The following IPP variants were observed in gnomAD, a reference collection of about 807,000 sequenced individuals.
The protein encoded by IPP is intracisternal A particle-promoted polypeptide, also known as actin-binding protein IPP.
A neutral mutation model predicts 64.1 loss-of-function variants in IPP; 41 were observed. The ratio of observed to expected loss-of-function variants is 0.64; its 90% confidence interval spans 0.50 to 0.83. The LOEUF (loss-of-function observed/expected upper bound fraction) is 0.83, where lower values mean the gene tolerates loss of function less well. IPP is among the 40% of genes least tolerant of loss of function. The pLI is 0.00. For synonymous variants in IPP, 214 were observed against 235.2 expected, an observed-to-expected ratio of 0.91 and a Z score of 0.83; for missense variants, 649 against 703.0, an observed-to-expected ratio of 0.92 and a Z score of 0.87.
In IPP at chr1:45,744,419, T is replaced by A. The variant is rs77708229; in HGVS notation, c.292+1701A>T. 3.0e-3 allele frequency among the ~76,000 whole-genome samples: 458 copies of A among 152,268 alleles called. 4 individuals are homozygous for A. The highest frequency in any genetic ancestry group is 0.022 in the East Asian group (116 of 5,180). On this transcript the variant is annotated intron_variant, in intron 2 of 8. Coordinates refer to ENST00000396478, the MANE Select transcript of IPP (RefSeq NM_005897.3). ...TTTATTCAGAGATGGGGTCTCACTC[T>A]GTCTCCCAGTCCAGGGTGCAGCAGC...
chr1:45,716,733 T>C (rs1645663882), intron 7 of IPP, among the ~76,000 whole-genome samples, 162 bp downstream of exon 7: 1 of 152,194 alleles, frequency 6.6e-6, no homozygotes, highest in South Asian at 2.1e-4. Flanking sequence ...AATACAGAAA[T>C]AAAAGTCAAT....
chr1:45,705,049 C>T (rs1347085593), intron 8 of IPP, among the ~76,000 whole-genome samples: 1 of 152,238 alleles, frequency 6.6e-6, no homozygotes, highest in Non-Finnish European at 1.5e-5. Context: ...GGAGTAGCCC[C>T]GCTCTGCAGA....
intron 3 of IPP, among the ~76,000 whole-genome samples, chr1:45,740,270 C>A (rs1049632285): frequency 4.6e-5 from 7 of 152,234 alleles, no homozygotes; most frequent in East Asian, 1.9e-4. Flanking sequence ...CTTTTCCCCA[C>A]CTTTCCCCCT....
At chr1:45,721,763 C>G (rs1645734200) in intron 5 of IPP, among the ~76,000 whole-genome samples, 1 of 152,232 alleles carries the variant, frequency 6.6e-6, no homozygotes, top group African/African-American at 2.4e-5. Context: ...AAAGTTACTT[C>G]TTGAAAGAAG....
chr1:45,698,714 T>C lies in IPP; in HGVS notation c.*1252A>G. The C allele has an allele frequency of 1.4e-6, 1 of 723,508 alleles. No individual in the cohort carries two copies. Among genetic ancestry groups the C allele is most frequent in the Non-Finnish European group, 1.6e-6 (1 of 642,360 alleles). The allele number at this position is 723,508 out of a possible 1,614,324, so 44.8% of individuals were successfully genotyped here. A position where few individuals can be genotyped will look rare whatever the true frequency, so the allele number is the denominator to read the frequency against. ...TCTAGCAAAAAAGGAAGAATTTTTTTTTCTTTTTTTTTTTTTTTTTTTGAG... is the reference window on the plus strand; with the variant it reads ...TCTAGCAAAAAAGGAAGAATTTTTTCTTCTTTTTTTTTTTTTTTTTTTGAG... On this transcript the variant is annotated 3_prime_UTR_variant, in exon 9 of 9. Transcript: ENST00000396478.
chr1:45,715,811 C>T (rs1218387141), intron 7 of IPP, among the ~76,000 whole-genome samples: 4 of 152,114 alleles, frequency 2.6e-5, no homozygotes, highest in Admixed American at 1.3e-4. Context: ...AGATCCCTTT[C>T]TAGCTAGCTC....
At chr1:45,708,675 C>T (rs1261437732) in intron 8 of IPP, among the ~76,000 whole-genome samples, 2 of 135,178 alleles carry the variant, frequency 1.5e-5, no homozygotes, top group African/African-American at 5.6e-5. Context: ...GTGAAACTCA[C>T]CTCCAAAAAA....
chr1:45,750,137 T>C (rs567432625), intron 1 of IPP, among the ~76,000 whole-genome samples: 1 of 152,216 alleles, frequency 6.6e-6, no homozygotes, highest in South Asian at 2.1e-4. Context: ...AATTCACTGC[T>C]GGGAACATGT....
Position 45,717,149 on chromosome 1 carries a change from C to T in IPP, c.1187-132G>A, listed in dbSNP as rs746795209. ...TGAGCCAAAGAGGTTATCTGTTCCA[C>T]GATCCCATGAAAAAGTTAGAATTTG... On this transcript the variant is annotated intron_variant, in intron 6 of 8. Coordinates refer to ENST00000396478, the MANE Select transcript of IPP (RefSeq NM_005897.3). 2.5e-5 allele frequency: 18 copies of T among 715,122 alleles called. 1 individual carries two copies. Among genetic ancestry groups the T allele is most frequent in the East Asian group, 3.8e-5 (1 of 26,584 alleles). 44.3% of individuals were successfully genotyped at this position (715,122 alleles called of 1,614,324 possible).
chr1:45,706,573 C>A (rs193127923), intron 8 of IPP, among the ~76,000 whole-genome samples: 1 of 152,256 alleles, frequency 6.6e-6, no homozygotes, highest in Admixed American at 6.5e-5. Context: ...CCTCAGCCCC[C>A]CAAGTAGCTG....
intron 8 of IPP, among the ~76,000 whole-genome samples, chr1:45,713,958 C>A (rs1211742447): frequency 6.6e-6 from 1 of 151,826 alleles, no homozygotes; most frequent in African/African-American, 2.4e-5. Context: ...CAGAGCAAGA[C>A]CCTGTCTCTT....
At chr1:45,702,879 G>A (rs1645473109) in intron 8 of IPP, among the ~76,000 whole-genome samples, 1 of 152,134 alleles carries the variant, frequency 6.6e-6, no homozygotes, top group African/African-American at 2.4e-5. Context: ...AACTCAAATA[G>A]GATCATGGAG....
chr1:45,736,069 C>G (rs962129388), intron 3 of IPP, among the ~76,000 whole-genome samples: 3 of 151,294 alleles, frequency 2.0e-5, no homozygotes, highest in African/African-American at 7.3e-5. Context: ...CGAAATCACA[C>G]CACTGCGTTC....
At chr1:45,749,209 A>G (rs1178732738) in intron 1 of IPP, among the ~76,000 whole-genome samples, 2 of 152,218 alleles carry the variant, frequency 1.3e-5, no homozygotes, top group Non-Finnish European at 2.9e-5. Flanking sequence ...TACAAGAAAG[A>G]GTTGACTGAA....
intron 8 of IPP, among the ~76,000 whole-genome samples, chr1:45,706,123 G>C (rs1181001425): frequency 6.6e-6 from 1 of 152,166 alleles, no homozygotes; most frequent in Non-Finnish European, 1.5e-5. Context: ...GGAGTTGTAA[G>C]CTGAGTAATT....
Position 45,741,300 on chromosome 1 carries a change from C to G in IPP, c.325G>C (p.Glu109Gln), listed in dbSNP as rs1347744004. ...AGCATGTCTGCTGCAATAATCAACT[C>G]CTGGACATTATTCACACCTATGTTC... ...IVNIGVNNVQ[E>Q]LIIAADMLQL... The change falls in exon 3 of 9, where the codon GAG (glutamate) becomes CAG (glutamine). Residue 109 changes from glutamate (E) to glutamine (Q), a missense_variant. Physicochemically the swap from Glu to Gln is conservative, Grantham distance 29. Coordinates refer to ENST00000396478, the MANE Select transcript of IPP (RefSeq NM_005897.3). The G allele has an allele frequency of 1.2e-6, 2 of 1,613,400 alleles. No individual in the cohort carries two copies. The highest frequency in any genetic ancestry group is 8.5e-7 in the Non-Finnish European group (1 of 1,179,472).
intron 3 of IPP, among the ~76,000 whole-genome samples, chr1:45,732,089 GT>G: frequency 6.6e-6 from 1 of 152,264 alleles, no homozygotes; most frequent in South Asian, 2.1e-4. Context: ...GCCAGGCACG[GT>G]GTCTCATGCC....
intron 5 of IPP, among the ~76,000 whole-genome samples, chr1:45,721,092 T>G (rs1645724906): frequency 6.6e-6 from 1 of 152,180 alleles, no homozygotes; most frequent in African/African-American, 2.4e-5. Context: ...TATGACTTTA[T>G]GAGGGTCTAG....
intron 3 of IPP, among the ~76,000 whole-genome samples, chr1:45,739,244 A>G (rs965649132): frequency 6.6e-6 from 1 of 152,128 alleles, no homozygotes; most frequent in South Asian, 2.1e-4. Flanking sequence ...TGACAAGAGT[A>G]AAAACTTCAA....
Sources: gnomAD v4.1 joint callset for allele counts (sites outside exome capture counted in the v4.1 genomes callset) on GRCh38, gnomAD v4.1.1 for gene constraint, MANE v1.5 for transcripts, NCBI Gene and HGNC (gene_info 2026-07-23, HGNC 2026-07-21) for gene names.